PRAMEF18: variants seen among roughly 807,000 people sequenced by gnomAD.
PRAMEF18 encodes the protein PRAME family member 18, also known as PRAME family member-like.
In PRAMEF18, 15 loss-of-function variants were observed where a neutral mutation model predicts 23.7. That is an observed-to-expected ratio of 0.63 (90% CI 0.42 to 0.97). The LOEUF (loss-of-function observed/expected upper bound fraction) is 0.97, where lower values mean the gene tolerates loss of function less well. PRAMEF18 is among the 50% of genes least tolerant of loss of function. The pLI, the probability that PRAMEF18 is intolerant of heterozygous loss-of-function variation, is 0.00. For synonymous variants in PRAMEF18, 78 were observed against 159.9 expected, an observed-to-expected ratio of 0.49 and a Z score of 3.86; for missense variants, 223 against 418.6, an observed-to-expected ratio of 0.53 and a Z score of 4.08.
intron 2 of PRAMEF18, chr1:13,224,524 C>A (rs1282349540): frequency 1.8e-3 from 278 of 154,834 alleles, no homozygotes; most frequent in Admixed American, 6.6e-3. Flanking sequence ...CCTCTGTTGC[C>A]TCTTTTTTAT....
chr1:13,225,769 C>T, intron 1 of PRAMEF18, 51 bp downstream of exon 1: 1 of 1,612,476 alleles, frequency 6.2e-7, no homozygotes, highest in Non-Finnish European at 8.5e-7. Flanking sequence ...TTGTCTGACC[C>T]AGCTGTTTAG....
intron 2 of PRAMEF18, 28 bp downstream of exon 2, chr1:13,224,827 C>A: frequency 1.2e-6 from 2 of 1,613,704 alleles, no homozygotes; most frequent in East Asian, 2.2e-5. Flanking sequence ...GCTATGGCCC[C>A]CAGAGAAAGC....
chr1:13,224,903 T>A, exon 2 of PRAMEF18: 1 of 1,614,066 alleles, frequency 6.2e-7, no homozygotes, highest in Non-Finnish European at 8.5e-7. Flanking sequence ...CCTTCTTACA[T>A]AAAGCATCTG....
At position 13,223,379 on chromosome 1, in the gene PRAMEF18, TG is replaced by T; in HGVS notation, c.1392del (p.Thr465LeufsTer21). ...CAAAAATTGGACTCCAGTTGCTCAG[TG>T]GGCGACGTGCCACAGCAAGGGCAGG... On this transcript the variant is annotated frameshift_variant, in exon 3 of 3. Transcript: ENST00000624297. LOFTEE classifies it low-confidence loss of function (END_TRUNC). 3.2e-6 allele frequency: 4 copies of T among 1,245,962 alleles called. No homozygotes were observed. The highest frequency in any genetic ancestry group is 2.9e-5 in the African/African-American group (1 of 34,540). The allele number at this position is 1,245,962 out of a possible 1,614,324, so 77.2% of individuals were successfully genotyped here.
At chr1:13,224,884 G>A in exon 2 of PRAMEF18, 1 of 1,614,058 alleles carries the variant, frequency 6.2e-7, no homozygotes, top group Non-Finnish European at 8.5e-7. Context: ...GGCCTCTGAA[G>A]AAGCAGACCC....
At chr1:13,225,952 A>G (rs1638845067) in exon 1 of PRAMEF18, 1 of 1,614,204 alleles carries the variant, frequency 6.2e-7, no homozygotes, top group Admixed American at 1.7e-5. Context: ...CATCACCTTC[A>G]GAACCTCGCA....
Position 13,225,112 on chromosome 1 carries a change from G to T in PRAMEF18, c.609C>A (p.Tyr203Ter), listed in dbSNP as rs1257435406. The T allele has an allele frequency of 5.6e-6, 9 of 1,613,768 alleles. No homozygotes were observed. The East Asian group carries it at 1.1e-4, about 20-fold the overall frequency. ...TTTCCAACACTTGGATACTGTCTGG[G>T]TATACTGTTTCCAATATGTTTCTGA... The change falls in exon 2 of 3, where the codon TAC becomes TAA. Residue 203 changes from tyrosine to a stop codon, truncating the protein, a stop_gained. Transcript: ENST00000624297. LOFTEE classifies it high-confidence loss of function.
At chr1:13,225,269 A>G in exon 2 of PRAMEF18, 1 of 1,612,196 alleles carries the variant, frequency 6.2e-7, no homozygotes, top group Non-Finnish European at 8.5e-7. Context: ...GCAAACATCC[A>G]TGAACACCTT....
intron 1 of PRAMEF18, 77 bp downstream of exon 1, chr1:13,225,743 A>T: frequency 1.2e-6 from 2 of 1,612,314 alleles, no homozygotes; most frequent in Non-Finnish European, 1.7e-6. Context: ...CCCCTGGGCC[A>T]CCCCGGGTTC....
chr1:13,224,417 CAG>C (rs1438621734), intron 2 of PRAMEF18: 2 of 251,088 alleles, frequency 8.0e-6, no homozygotes, highest in African/African-American at 2.3e-5. Context: ...GACAGGGAAT[CAG>C]AGAGAGGATC....
exon 2 of PRAMEF18, chr1:13,224,855 C>T: frequency 6.2e-7 from 1 of 1,613,966 alleles, no homozygotes; most frequent in Non-Finnish European, 8.5e-7. Context: ...CCTTCCTCAC[C>T]TGATCAGCTG....
chr1:13,224,604 C>G, intron 2 of PRAMEF18: 1 of 702,026 alleles, frequency 1.4e-6, no homozygotes, highest in East Asian at 2.7e-5. Context: ...AGAGCTGAAC[C>G]CTCCACTAAC....
At chr1:13,225,782 C>T in intron 1 of PRAMEF18, 38 bp downstream of exon 1, 1 of 1,612,568 alleles carries the variant, frequency 6.2e-7, no homozygotes, top group South Asian at 1.1e-5. Context: ...CTGTTTAGTC[C>T]CTGGACACCT....
exon 2 of PRAMEF18, chr1:13,225,067 C>A: frequency 1.9e-6 from 3 of 1,614,152 alleles, no homozygotes; most frequent in South Asian, 1.1e-5. Context: ...CTATCATACA[C>A]AGCCAGCACA....
In PRAMEF18 at chr1:13,223,273, A is replaced by T. The variant is rs1232908328; in HGVS notation, c.*59T>A. On this transcript the variant is annotated 3_prime_UTR_variant, in exon 3 of 3. Coordinates refer to ENST00000624297, the Ensembl canonical transcript of PRAMEF18. ...GGAAAAAGAAAAATAAAAGACATCT[A>T]TGTCCCAGATTTTAGTTTCCAAGTG... 2 of 213,076 alleles carry T rather than the reference A, an allele frequency of 9.4e-6. 1 individual carries two copies. Among genetic ancestry groups the T allele is most frequent in the Non-Finnish European group, 1.4e-5 (2 of 142,064 alleles). The allele number at this position is 213,076 out of a possible 1,614,324, so 13.2% of individuals were successfully genotyped here. A position where few individuals can be genotyped will look rare whatever the true frequency, so the allele number is the denominator to read the frequency against.
At chr1:13,225,465 G>T in intron 1 of PRAMEF18, 32 bp from the exon 2 acceptor site, 1 of 1,599,392 alleles carries the variant, frequency 6.3e-7, no homozygotes, top group East Asian at 2.2e-5. Context: ...AGCTCAGAAC[G>T]TAGACAAGGA....
At chr1:13,226,031 A>G (rs1638847180) in exon 1 of PRAMEF18, 1 of 1,613,696 alleles carries the variant, frequency 6.2e-7, no homozygotes, top group Non-Finnish European at 8.5e-7. Flanking sequence ...TCCAGGACGG[A>G]GATGGCCAAG....
In PRAMEF18 at chr1:13,224,851, T is replaced by C; in HGVS notation, c.866+4A>G. ...CCCAGAGAAAGCTCACCATCCTTCC[T>C]CACCTGATCAGCTGGTCCAGGTGGC... On this transcript the variant is annotated splice_donor_region_variant and intron_variant, in intron 2 of 2. Coordinates refer to ENST00000624297, the Ensembl canonical transcript of PRAMEF18. The C allele has an allele frequency of 1.2e-6, 2 of 1,613,956 alleles. No individual in the cohort carries two copies. The highest frequency in any genetic ancestry group is 1.7e-6 in the Non-Finnish European group (2 of 1,179,892).
At chr1:13,225,338 G>A (rs1443904325) in exon 2 of PRAMEF18, 2 of 1,611,978 alleles carry the variant, frequency 1.2e-6, no homozygotes, top group African/African-American at 1.3e-5. Flanking sequence ...CTTACTCATG[G>A]CCTCTGGGGA....
Sources: allele counts gnomAD v4.1 joint callset, GRCh38; gene constraint gnomAD v4.1.1; transcripts MANE v1.5; gene names NCBI Gene and HGNC (gene_info 2026-07-23, HGNC 2026-07-21).